The following DZIP1 variants were observed in gnomAD, a reference collection of about 807,000 sequenced individuals.
DZIP1 encodes the protein cilium assembly protein DZIP1.
DZIP1 carries 97 observed loss-of-function variants against 107.6 expected under a neutral mutation model. That is an observed-to-expected ratio of 0.90 (90% CI 0.77 to 1.07). The LOEUF is 1.07. DZIP1 is among the 50% of genes least tolerant of loss of function. The pLI, the probability that DZIP1 is intolerant of heterozygous loss-of-function variation, is 0.00. For synonymous variants in DZIP1, 390 were observed against 386.4 expected, an observed-to-expected ratio of 1.01 and a Z score of -0.11; for missense variants, 1,035 against 1,063.6, an observed-to-expected ratio of 0.97 and a Z score of 0.37.
At position 95,606,046 on chromosome 13, in the gene DZIP1, G is replaced by A. The variant is rs2044762155; in HGVS notation, c.1434C>T (p.Ala478=). ...AAPAVPMNAP[A]LHTLETKSSL... The stretch of plus-strand genomic sequence containing the variant: ...TTGATTTAGTTTCCAAAGTGTGCAG[G>A]GCTGGGGCATTCACTGAAACAGCAT... The change falls in exon 14 of 23, where the codon GCC becomes GCT. Residue 478 remains alanine, a synonymous_variant. Transcript: ENST00000376829. 8 of 1,613,808 alleles carry A rather than the reference G, an allele frequency of 5.0e-6. No homozygotes were observed. Among genetic ancestry groups the A allele is most frequent in the African/African-American group, 1.3e-5 (1 of 74,878 alleles).
In DZIP1 at chr13:95,610,313, GT is replaced by G. The variant is rs60681714; in HGVS notation, c.1364-801del. Reference sequence around the variant, plus strand: ...CTTTAGAATAATTAAGAGTTTTTTGGTTTTTTTTTTTTAAGAGATGTGGGTC... The same window carrying G: ...CTTTAGAATAATTAAGAGTTTTTTGGTTTTTTTTTTTAAGAGATGTGGGTC... On this transcript the variant is annotated intron_variant, in intron 12 of 22. Transcript: ENST00000376829. 5.6e-3 allele frequency among the ~76,000 whole-genome samples: 820 copies of G among 145,928 alleles called. 4 individuals are homozygous for G. The highest frequency in any genetic ancestry group is 0.019 in the African/African-American group (764 of 39,706).
At chr13:95,597,018 A>G (rs2044475170) in intron 15 of DZIP1, among the ~76,000 whole-genome samples, 2 of 152,254 alleles carry the variant, frequency 1.3e-5, no homozygotes, top group Admixed American at 1.3e-4. Flanking sequence ...GTCTACCATC[A>G]GAGCTGAACA....
chr13:95,606,024 A>T lies in DZIP1; in HGVS notation c.1456T>A (p.Ser486Thr). ...APALHTLETK[S>T]SLPMVHEQAF... ...TTACCATGCACCATTGGCAGACTTG[A>T]TTTAGTTTCCAAAGTGTGCAGGGCT... Residue 486 changes from serine to threonine, a missense_variant, in exon 14 of 23, where the codon TCA becomes ACA. Physicochemically the swap from Ser to Thr is moderately conservative, Grantham distance 58. Coordinates refer to ENST00000376829, the MANE Select transcript of DZIP1 (RefSeq NM_198968.4). 3 of 1,614,056 alleles carry T rather than the reference A, an allele frequency of 1.9e-6. No homozygotes were observed. Among genetic ancestry groups the T allele is most frequent in the Non-Finnish European group, 2.5e-6 (3 of 1,179,944 alleles).
Position 95,584,841 on chromosome 13 carries a change from A to T in DZIP1, c.2419T>A (p.Ser807Thr), listed in dbSNP as rs375691752. 7 of 1,613,872 alleles carry T rather than the reference A, an allele frequency of 4.3e-6. No individual in the cohort carries two copies. In the Admixed American group the frequency reaches 1.2e-4, roughly 27 times the overall value. The change falls in exon 22 of 23, where the codon TCT (serine) becomes ACT (threonine). Residue 807 changes from serine to threonine, a missense_variant. Transcript: ENST00000376829. ...LEEEISLGKKSGKEQKEPPPA... is the reference protein window; with the variant it reads ...LEEEISLGKKTGKEQKEPPPA... ...GGAGGTTCCTTCTGTTCTTTCCCAGATTTTTTTCCCAAAGATATCTCTTCC... is the reference window on the plus strand; with the variant it reads ...GGAGGTTCCTTCTGTTCTTTCCCAGTTTTTTTTCCCAAAGATATCTCTTCC...
At chr13:95,605,298 G>A (rs951872981) in intron 14 of DZIP1, among the ~76,000 whole-genome samples, 1 of 152,152 alleles carries the variant, frequency 6.6e-6, no homozygotes, top group Non-Finnish European at 1.5e-5. Context: ...GAAAAAGATG[G>A]CCCTTCTCCC....
chr13:95,609,515 T>C lies in DZIP1; in HGVS notation c.1364-2A>G. 6.3e-7 allele frequency: 1 copy of C among 1,582,848 alleles called. No individual in the cohort carries two copies. Among genetic ancestry groups the C allele is most frequent in the Non-Finnish European group, 8.6e-7 (1 of 1,165,752 alleles). ...AAGCCTGCCAGGCTAAAGGATTTCC[T>C]GAAATGACAGAAAAATAAATGAACA... On this transcript the variant is annotated splice_acceptor_variant, in intron 12 of 22. Coordinates refer to ENST00000376829, the MANE Select transcript of DZIP1 (RefSeq NM_198968.4). LOFTEE classifies it high-confidence loss of function.
At chr13:95,642,395 A>C (rs1371123895) in intron 3 of DZIP1, among the ~76,000 whole-genome samples, 154 bp from the exon 4 acceptor site, 1 of 152,212 alleles carries the variant, frequency 6.6e-6, no homozygotes, top group Non-Finnish European at 1.5e-5. Context: ...GTGGGGAGCC[A>C]CATCCCTGGG....
chr13:95,635,945 G>A lies in DZIP1; in HGVS notation c.598-2624C>T, dbSNP rs1480647887. ...AAAAGGTAGGGAGGTAAGGAGGTAG[G>A]GAGGGAAAGAGGGAAGGAAAGAGGG... On this transcript the variant is annotated intron_variant, in intron 5 of 22. Transcript: ENST00000376829. Among the ~76,000 whole-genome samples the A allele has an allele frequency of 9.2e-4, 139 of 151,566 alleles. 1 individual carries two copies. Among genetic ancestry groups the A allele is most frequent in the Non-Finnish European group, 2.2e-4 (15 of 67,912 alleles).
chr13:95,641,376 C>T lies in DZIP1; in HGVS notation c.516G>A (p.Thr172=), dbSNP rs775076919. 23 of 1,613,998 alleles carry T rather than the reference C, an allele frequency of 1.4e-5. No individual in the cohort carries two copies. Among genetic ancestry groups the T allele is most frequent in the South Asian group, 1.1e-5 (1 of 91,090 alleles). ...TCCGGCGTTTGCACTCTTCCTTGAGCGTCTTGATCTCCCCCGCCTGCTTGG... is the reference window on the plus strand; with the variant it reads ...TCCGGCGTTTGCACTCTTCCTTGAGTGTCTTGATCTCCCCCGCCTGCTTGG... The part of the protein sequence containing the change: ...LLTKQAGEIK[T]LKEECKRRKK... Residue 172 remains threonine (T), a synonymous_variant, in exon 5 of 23, where the codon ACG becomes ACA. Transcript: ENST00000376829. The surrounding 1 kb of genome is among the most constrained non-coding windows in gnomAD (Gnocchi z 4.3).
rs1457795243 is a variant in DZIP1, at chr13:95,579,463, A to C, written c.*2771T>G. On this transcript the variant is annotated 3_prime_UTR_variant, in exon 23 of 23. Coordinates refer to ENST00000376829, the MANE Select transcript of DZIP1 (RefSeq NM_198968.4). ...TGTTTTCATCCTGCATTTACAGAAA[A>C]AGAAATGAAAACAGAGAGCTTAAAT... The C allele has an allele frequency of 8.5e-5, 13 of 152,246 alleles. No individual in the cohort carries two copies. The highest frequency in any genetic ancestry group is 3.3e-4 in the Admixed American group (5 of 15,284). The allele number at this position is 152,246 out of a possible 1,614,324, so 9.4% of individuals were successfully genotyped here.
intron 15 of DZIP1, among the ~76,000 whole-genome samples, chr13:95,597,755 T>A (rs1473036432): frequency 6.6e-6 from 1 of 152,100 alleles, no homozygotes; most frequent in Non-Finnish European, 1.5e-5. Flanking sequence ...CAAATAATTT[T>A]AAAAAAACAA....
intron 15 of DZIP1, among the ~76,000 whole-genome samples, chr13:95,598,779 A>G (rs1459248674): frequency 6.6e-6 from 1 of 152,290 alleles, no homozygotes; most frequent in East Asian, 1.9e-4. Flanking sequence ...GACTTTAAAA[A>G]CTAATTGACA....
In DZIP1 at chr13:95,580,526, C is replaced by T; in HGVS notation, c.*1708G>A. On this transcript the variant is annotated 3_prime_UTR_variant, in exon 23 of 23. Coordinates refer to ENST00000376829, the MANE Select transcript of DZIP1 (RefSeq NM_198968.4). ...GGAATAGAGACCTGGCTTAAAGTCT[C>T]CCCTTGACACTTTGTACTTGTATGG... 1 of 152,110 alleles carries T rather than the reference C, an allele frequency of 6.6e-6. No homozygotes were observed. Among genetic ancestry groups the T allele is most frequent in the South Asian group, 2.1e-4 (1 of 4,828 alleles). 9.4% of individuals were successfully genotyped at this position (152,110 alleles called of 1,614,324 possible).
At chr13:95,639,679 A>AG (rs1878257244) in intron 5 of DZIP1, among the ~76,000 whole-genome samples, 2 of 51,402 alleles carry the variant, frequency 3.9e-5, no homozygotes, top group South Asian at 7.1e-4. Flanking sequence ...ACCCCAAAAA[A>AG]GGAAAAAAAA....
intron 13 of DZIP1, 37 bp from the exon 14 acceptor site, chr13:95,606,096 A>G (rs1426392224): frequency 3.4e-5 from 55 of 1,608,256 alleles, no homozygotes; most frequent in Non-Finnish European, 4.2e-5. Flanking sequence ...CAGAGGTTCC[A>G]TAATTAAAGC....
chr13:95,598,884 C>G (rs1239000126), intron 15 of DZIP1, among the ~76,000 whole-genome samples: 1 of 152,120 alleles, frequency 6.6e-6, no homozygotes, highest in African/African-American at 2.4e-5. Flanking sequence ...CATAAAAATA[C>G]TGTTTTGCAC....
At chr13:95,626,539 G>A (rs1876561610) in intron 7 of DZIP1, among the ~76,000 whole-genome samples, 1 of 152,112 alleles carries the variant, frequency 6.6e-6, no homozygotes, top group African/African-American at 2.4e-5. Context: ...AAGGGATAGA[G>A]TTAGTAATCA....
At chr13:95,591,415 A>T (rs538417988) in intron 16 of DZIP1, among the ~76,000 whole-genome samples, 1 of 152,262 alleles carries the variant, frequency 6.6e-6, no homozygotes, top group East Asian at 1.9e-4. Context: ...AGACAGAAGA[A>T]AACTAGTTAA....
chr13:95,627,767 G>T lies in DZIP1; in HGVS notation c.810+2222C>A, dbSNP rs144117765. On this transcript the variant is annotated intron_variant, in intron 7 of 22. Transcript: ENST00000376829. ...AAACATAAAATTACCATATGACTCA[G>T]CAATTCCATTCCTAAGTATATAATC... Among the ~76,000 whole-genome samples the T allele has an allele frequency of 3.6e-3, 544 of 152,270 alleles. 3 individuals carry two copies. Among genetic ancestry groups the T allele is most frequent in the Non-Finnish European group, 6.7e-3 (454 of 68,024 alleles).
Sources: allele counts gnomAD v4.1 joint callset (sites outside exome capture counted in the v4.1 genomes callset), GRCh38; gene constraint gnomAD v4.1.1; non-coding constraint Gnocchi (gnomAD v3.1); transcripts MANE v1.5; gene names NCBI Gene and HGNC (gene_info 2026-07-23, HGNC 2026-07-21).